HGD: variants seen among roughly 807,000 people sequenced by gnomAD.
HGD encodes homogentisate 1,2-dioxygenase.
HGD carries 61 observed loss-of-function variants against 60.8 expected under a neutral mutation model. The ratio of observed to expected loss-of-function variants is 1.00; its 90% CI spans 0.82 to 1.24. HGD has a LOEUF of 1.24. HGD is among the 50% of genes most tolerant of loss of function. HGD has a pLI of 0.00. For synonymous variants in HGD, 212 were observed against 187.7 expected, an observed-to-expected ratio of 1.13 and a Z score of -1.06; for missense variants, 542 against 547.1, an observed-to-expected ratio of 0.99 and a Z score of 0.09.
intron 1 of HGD, chr3:120,677,794 G>A (rs897724571): frequency 3.3e-5 from 5 of 152,210 alleles, no homozygotes; most frequent in Admixed American, 1.3e-4. Flanking sequence ...GGAACCTACC[G>A]AAATGTGATG....
intron 4 of HGD, among the ~76,000 whole-genome samples, chr3:120,668,187 T>C (rs530783145): frequency 6.6e-4 from 100 of 152,346 alleles, no homozygotes; most frequent in African/African-American, 2.4e-3. Context: ...GTCAATTATT[T>C]AGACAAAATA....
intron 4 of HGD, among the ~76,000 whole-genome samples, chr3:120,659,177 G>C (rs1038256602): frequency 2.6e-5 from 4 of 152,172 alleles, no homozygotes; most frequent in Non-Finnish European, 5.9e-5. Context: ...ACATGGCCAG[G>C]CTGCAAAATT....
At chr3:120,638,880 G>A (rs1940875118) in intron 11 of HGD, among the ~76,000 whole-genome samples, 1 of 151,984 alleles carries the variant, frequency 6.6e-6, no homozygotes, top group Non-Finnish European at 1.5e-5. Context: ...CCGGTGGGAG[G>A]TAACTGAATC....
At chr3:120,641,269 A>T (rs1158638768) in intron 11 of HGD, among the ~76,000 whole-genome samples, 4 of 152,194 alleles carry the variant, frequency 2.6e-5, no homozygotes, top group Non-Finnish European at 5.9e-5. Context: ...TACCACCGAC[A>T]TTAACACTTG....
intron 13 of HGD, among the ~76,000 whole-genome samples, chr3:120,630,825 T>TATATATATATATATATATATATAC (rs1491569082): frequency 1.9e-5 from 2 of 104,132 alleles, no homozygotes; most frequent in Non-Finnish European, 3.6e-5. Flanking sequence ...TATATATATA[T>TATATATATATATATATATATATAC]ACACATACAC....
chr3:120,664,260 T>A (rs1348923854), intron 4 of HGD, among the ~76,000 whole-genome samples: 1 of 151,998 alleles, frequency 6.6e-6, no homozygotes, highest in Admixed American at 6.6e-5. Context: ...AGAAGACAGA[T>A]GTGAGAGGGT....
chr3:120,678,765 AG>A (rs1405497588), intron 1 of HGD, among the ~76,000 whole-genome samples: 1 of 152,086 alleles, frequency 6.6e-6, no homozygotes, highest in Non-Finnish European at 1.5e-5. Context: ...TGAGAGAAAA[AG>A]TACAGAGTTT....
chr3:120,671,609 A>G (rs1368284875), intron 3 of HGD, among the ~76,000 whole-genome samples: 1 of 152,218 alleles, frequency 6.6e-6, no homozygotes. Flanking sequence ...AATGAGAAAT[A>G]CCATTTGACC....
At chr3:120,632,307 G>T (rs528384144) in intron 13 of HGD, among the ~76,000 whole-genome samples, 1 of 152,228 alleles carries the variant, frequency 6.6e-6, no homozygotes, top group South Asian at 2.1e-4. Flanking sequence ...AGCATTGAAG[G>T]CATTTATTTT....
In HGD at chr3:120,651,070, A is replaced by T. The variant is rs1307121062; in HGVS notation, c.343-205T>A. 2.0e-5 allele frequency among the ~76,000 whole-genome samples: 3 copies of T among 152,248 alleles called. No individual in the cohort carries two copies. The East Asian group carries it at 5.8e-4, about 29-fold the overall frequency. On this transcript the variant is annotated intron_variant, in intron 5 of 13. Coordinates refer to ENST00000283871, the MANE Select transcript of HGD (RefSeq NM_000187.4). ...TAGTTTGTGGTTTACCCTAGTCTCC[A>T]GCCATGGCCTAAATCTGGGTTGTCT...
intron 12 of HGD, among the ~76,000 whole-genome samples, chr3:120,634,167 C>T (rs138542583): frequency 0.022 from 3,282 of 152,258 alleles, 51 homozygotes; most frequent in Middle Eastern, 0.058. Context: ...CTCCACTCTA[C>T]AAAGCATATC....
intron 4 of HGD, among the ~76,000 whole-genome samples, chr3:120,660,728 G>A (rs974617996): frequency 2.0e-5 from 3 of 152,208 alleles, no homozygotes; most frequent in Non-Finnish European, 2.9e-5. Flanking sequence ...GGGAGGCTGA[G>A]GCAGGAGAAT....
At chr3:120,652,672 C>T (rs189680725) in intron 4 of HGD, 21 bp from the exon 5 acceptor site, 22 of 1,571,924 alleles carry the variant, frequency 1.4e-5, no homozygotes, top group Admixed American at 1.2e-4. Context: ...AATACACATA[C>T]AGAAAAATTA....
At chr3:120,660,496 T>C (rs1487732831) in intron 4 of HGD, among the ~76,000 whole-genome samples, 9 of 152,178 alleles carry the variant, frequency 5.9e-5, no homozygotes, top group Non-Finnish European at 1.2e-4. Context: ...AGAATATAGA[T>C]AATGAGGATC....
chr3:120,652,629 A>G lies in HGD; in HGVS notation c.305T>C (p.Ile102Thr). ...TACTTTCTTCTGAGATGCTTTTGGAATCTCAAATGGTTTCCATCTAAGCTG... is the reference window on the plus strand; with the variant it reads ...TACTTTCTTCTGAGATGCTTTTGGAGTCTCAAATGGTTTCCATCTAAGCTG... The part of the protein sequence containing the change: ...PNQLRWKPFE[I>T]PKASQKKVDF... The change falls in exon 5 of 14, where the codon ATT (isoleucine) becomes ACT (threonine). Residue 102 changes from isoleucine (I) to threonine (T), a missense_variant. Ile to Thr is a moderately conservative substitution (Grantham distance 89). Around this residue, in one of 2 missense-constraint regions of HGD, gnomAD observed 537 missense variants for 529.1 expected, o/e 1.01. Transcript: ENST00000283871. The G allele has an allele frequency of 8.7e-6, 14 of 1,613,374 alleles. No homozygotes were observed. Among genetic ancestry groups the G allele is most frequent in the Non-Finnish European group, 1.2e-5 (14 of 1,179,424 alleles).
intron 4 of HGD, among the ~76,000 whole-genome samples, chr3:120,659,301 T>C (rs752141924): frequency 1.3e-5 from 2 of 152,246 alleles, no homozygotes; most frequent in African/African-American, 2.4e-5. Context: ...TATTTGCTCA[T>C]GCATGTGGGC....
chr3:120,628,706 C>A (rs1438447221), intron 13 of HGD, among the ~76,000 whole-genome samples, 177 bp from the exon 14 acceptor site: 1 of 152,152 alleles, frequency 6.6e-6, no homozygotes, highest in Non-Finnish European at 1.5e-5. Context: ...TCTGGTCCTA[C>A]CATTTGTAAG....
intron 4 of HGD, among the ~76,000 whole-genome samples, chr3:120,657,899 C>T (rs34574908): frequency 0.13 from 20,384 of 151,912 alleles, 1,752 homozygotes; most frequent in Non-Finnish European, 0.19. Context: ...TTTCAATGAC[C>T]AGATCTCATG....
At chr3:120,635,202 G>C (rs370295052) in intron 12 of HGD, among the ~76,000 whole-genome samples, 1 of 152,172 alleles carries the variant, frequency 6.6e-6, no homozygotes, top group Non-Finnish European at 1.5e-5. Flanking sequence ...TCTAGGCCGG[G>C]CTCAGTGGCT....
Sources: allele counts gnomAD v4.1 joint callset (sites outside exome capture counted in the v4.1 genomes callset), GRCh38; gene constraint gnomAD v4.1.1; regional missense constraint gnomAD v4.1.1; transcripts MANE v1.5; gene names NCBI Gene and HGNC (gene_info 2026-07-23, HGNC 2026-07-21).